The following OSBPL5 variants were observed in gnomAD, a reference collection of about 807,000 sequenced individuals.
OSBPL5 encodes oxysterol binding protein like 5, also known as oxysterol-binding protein-related protein 5.
OSBPL5 carries 71 observed loss-of-function variants against 111.2 expected under a neutral mutation model. The ratio of observed to expected loss-of-function variants is 0.64; its 90% CI spans 0.53 to 0.78. The LOEUF is 0.78. OSBPL5 is among the 30% of genes least tolerant of loss of function. The pLI, the probability that OSBPL5 is intolerant of heterozygous loss-of-function variation, is 0.00. For missense variants in OSBPL5, 1,210 were observed against 1,189.3 expected, an observed-to-expected ratio of 1.02 and a Z score of -0.26; for synonymous variants, 549 against 513.9, an observed-to-expected ratio of 1.07 and a Z score of -0.93.
chr11:3,091,285 T>C (rs2134380681), intron 19 of OSBPL5, among the ~76,000 whole-genome samples: 1 of 152,304 alleles, frequency 6.6e-6, no homozygotes, highest in African/African-American at 2.4e-5. Flanking sequence ...AAGCAGAACC[T>C]GGCTGTGGGA....
intron 1 of OSBPL5, among the ~76,000 whole-genome samples, chr11:3,136,760 C>G (rs1845958992): frequency 6.6e-6 from 1 of 152,220 alleles, no homozygotes; most frequent in African/African-American, 2.4e-5. Flanking sequence ...TCACCCACAG[C>G]CCAGAGTGAC....
At chr11:3,100,380 GT>G in intron 13 of OSBPL5, 124 bp from the exon 14 acceptor site, 1 of 772,736 alleles carries the variant, frequency 1.3e-6, no homozygotes, top group Non-Finnish European at 2.2e-6. Context: ...ACTTCCAGTG[GT>G]GTGTCTGTGC....
intron 3 of OSBPL5, among the ~76,000 whole-genome samples, chr11:3,124,396 C>T (rs1858528112): frequency 6.6e-6 from 1 of 152,130 alleles, no homozygotes; most frequent in African/African-American, 2.4e-5. Context: ...TATGCTGGAC[C>T]CTGGCCAGTT....
chr11:3,094,075 C>T (rs959154189), intron 15 of OSBPL5, among the ~76,000 whole-genome samples, 162 bp downstream of exon 15: 3 of 152,144 alleles, frequency 2.0e-5, no homozygotes, highest in African/African-American at 7.2e-5. Context: ...CAGCAGCCTC[C>T]CTTCTCTGGG....
rs139308730 is a variant in OSBPL5, at chr11:3,135,611, G to A, written c.-21-6442C>T. On this transcript the variant is annotated intron_variant, in intron 1 of 21. Transcript: ENST00000263650. The stretch of plus-strand genomic sequence containing the variant: ...GTGCCCAAAGCTGCAGAATGCCCAG[G>A]CCAGATGGACATGTGGGGCTCTCGG... Among the ~76,000 whole-genome samples the A allele has an allele frequency of 1.8e-4, 28 of 152,308 alleles. 1 individual carries two copies. The East Asian group carries it at 5.4e-3, about 29-fold the overall frequency.
intron 10 of OSBPL5, among the ~76,000 whole-genome samples, chr11:3,103,652 C>A (rs920535693): frequency 2.0e-5 from 3 of 151,448 alleles, no homozygotes; most frequent in South Asian, 2.1e-4. Context: ...CTGCAGCCCC[C>A]TTCCTGCCTC....
chr11:3,091,031 G>A (rs1049067248), intron 19 of OSBPL5, among the ~76,000 whole-genome samples: 1 of 152,212 alleles, frequency 6.6e-6, no homozygotes, highest in Non-Finnish European at 1.5e-5. Flanking sequence ...ATGGGGGGCC[G>A]AGGGTGGTTC....
At chr11:3,147,631 G>A (rs1356349537) in intron 1 of OSBPL5, among the ~76,000 whole-genome samples, 1 of 152,250 alleles carries the variant, frequency 6.6e-6, no homozygotes, top group Non-Finnish European at 1.5e-5. Flanking sequence ...TGGACTTCCA[G>A]AAATTTACCC....
At chr11:3,144,273 G>T (rs1365873579) in intron 1 of OSBPL5, among the ~76,000 whole-genome samples, 1 of 152,184 alleles carries the variant, frequency 6.6e-6, no homozygotes, top group African/African-American at 2.4e-5. Flanking sequence ...GACAATGAGA[G>T]CCCCAGGGAA....
In OSBPL5 at chr11:3,107,593, G is replaced by A. The variant is rs17263839; in HGVS notation, c.867-138C>T. ...CACCTCCACAACCCACATTTGACAC[G>A]ATCAGCCCCGTTTTAGAGGAAGGAA... On this transcript the variant is annotated intron_variant, in intron 8 of 21. Coordinates refer to ENST00000263650, the MANE Select transcript of OSBPL5 (RefSeq NM_020896.4). The surrounding 1 kb of genome is among the most constrained non-coding windows in gnomAD (Gnocchi z 6.1). The A allele has an allele frequency of 0.081, 108,901 of 1,346,882 alleles. 5,198 individuals are homozygous for A. The highest frequency in any genetic ancestry group is 0.16 in the South Asian group (12,461 of 75,612). The allele number at this position is 1,346,882 out of a possible 1,614,324, so 83.4% of individuals were successfully genotyped here. A position where few individuals can be genotyped will look rare whatever the true frequency, so the allele number is the denominator to read the frequency against.
intron 1 of OSBPL5, among the ~76,000 whole-genome samples, chr11:3,144,700 A>T (rs1361243409): frequency 6.6e-6 from 1 of 152,198 alleles, no homozygotes; most frequent in African/African-American, 2.4e-5. Context: ...TGGGAAAAAC[A>T]TGTCCCCCTT....
rs142011119 is a variant in OSBPL5 at position 3,120,569 on chromosome 11, A to G, written c.458T>C (p.Val153Ala). 19 of 1,612,978 alleles carry G rather than the reference A, an allele frequency of 1.2e-5. No homozygotes were observed. Among genetic ancestry groups the G allele is most frequent in the Admixed American group, 8.3e-5 (5 of 59,996 alleles). Residue 153 changes from valine (V) to alanine (A), a missense_variant, in exon 6 of 22, where the codon GTG (valine) becomes GCG (alanine). Coordinates refer to ENST00000263650, the MANE Select transcript of OSBPL5 (RefSeq NM_020896.4). ...TKLWCVLKPG[V>A]LLIYKTPKVG... is the part of the protein sequence containing the mutation. ...CTTGGGCGTCTTGTAGATGAGCAGC[A>G]CCCCCGGCTTCAGCACGCACCACAG...
rs1858784370 is a variant in OSBPL5, at chr11:3,130,405, C to T, written c.-21-1236G>A. Among the ~76,000 whole-genome samples the T allele has an allele frequency of 6.7e-6, 1 of 150,074 alleles. No individual in the cohort carries two copies. Among genetic ancestry groups the T allele is most frequent in the South Asian group, 2.1e-4 (1 of 4,694 alleles). ...ATTTCTCCCATGGTCCTGGGCTTTG[C>T]TGGGGGGGGCCTCAGACACACAGAG... On this transcript the variant is annotated intron_variant, in intron 1 of 21. Transcript: ENST00000263650. This position sits in a 1 kb window ranked among gnomAD's most constrained non-coding sequence, Gnocchi z 4.5.
chr11:3,156,189 C>T (rs531645307), intron 1 of OSBPL5, among the ~76,000 whole-genome samples: 5 of 152,302 alleles, frequency 3.3e-5, no homozygotes, highest in East Asian at 3.9e-4. Context: ...GTCAGTCCCC[C>T]GGGAGAGTGC....
At chr11:3,097,675 C>T (rs1564825291) in intron 14 of OSBPL5, among the ~76,000 whole-genome samples, 1 of 152,110 alleles carries the variant, frequency 6.6e-6, no homozygotes, top group Non-Finnish European at 1.5e-5. Flanking sequence ...ATGAGAGTGA[C>T]CAGCTAGAGA....
chr11:3,139,707 C>T (rs1201480046), intron 1 of OSBPL5, among the ~76,000 whole-genome samples: 2 of 152,146 alleles, frequency 1.3e-5, no homozygotes, highest in African/African-American at 2.4e-5. Flanking sequence ...GCCTCCCCTC[C>T]TCTCTCTCTG....
intron 3 of OSBPL5, among the ~76,000 whole-genome samples, chr11:3,123,516 A>G (rs1408615933): frequency 6.6e-6 from 1 of 152,226 alleles, no homozygotes; most frequent in Non-Finnish European, 1.5e-5. Flanking sequence ...CCTGGAACGG[A>G]GCCTGCGCCG....
At chr11:3,091,781 G>A (rs887065088) in intron 19 of OSBPL5, among the ~76,000 whole-genome samples, 2 of 152,204 alleles carry the variant, frequency 1.3e-5, no homozygotes, top group African/African-American at 4.8e-5. Flanking sequence ...CATCAGGCAA[G>A]CAAGGCCTCT....
intron 19 of OSBPL5, among the ~76,000 whole-genome samples, chr11:3,091,687 C>A (rs1396461043): frequency 6.6e-6 from 1 of 152,164 alleles, no homozygotes; most frequent in Non-Finnish European, 1.5e-5. Context: ...CCTGAGGCTT[C>A]TTCCCTAGTC....
Sources: allele counts gnomAD v4.1 joint callset (sites outside exome capture counted in the v4.1 genomes callset), GRCh38; gene constraint gnomAD v4.1.1; non-coding constraint Gnocchi (gnomAD v3.1); transcripts MANE v1.5; gene names NCBI Gene and HGNC (gene_info 2026-07-23, HGNC 2026-07-21).